Variants in CYBA observed in about 807,000 individuals in gnomAD.
CYBA encodes the protein cytochrome b-245 alpha chain.
CYBA carries 21 observed loss-of-function variants against 20.8 expected under a neutral mutation model. The observed-to-expected ratio is 1.01, with a 90% CI of 0.72 to 1.46. The LOEUF (loss-of-function observed/expected upper bound fraction) is 1.46. Among genes scored for constraint, CYBA ranks in the 40% most tolerant of loss-of-function variants. The probability of loss-of-function intolerance (pLI) is 0.00; values close to 1 mark genes in which losing one functional copy is unlikely to be tolerated. For missense variants in CYBA, 344 were observed against 287.0 expected, an observed-to-expected ratio of 1.20 and a Z score of -1.43; for synonymous variants, 164 against 127.5, an observed-to-expected ratio of 1.29 and a Z score of -1.93.
intron 1 of CYBA, chr16:88,650,111 C>T (rs563081561): frequency 1.8e-5 from 6 of 331,934 alleles, no homozygotes; most frequent in African/African-American, 1.1e-4. Flanking sequence ...CTCAGAGCCC[C>T]AGGGGAGTGG....
At chr16:88,644,448 A>G (rs1907203212) in intron 5 of CYBA, among the ~76,000 whole-genome samples, 2 of 152,250 alleles carry the variant, frequency 1.3e-5, no homozygotes, top group African/African-American at 4.8e-5. Flanking sequence ...GACCCTCACC[A>G]GAAAGCATGA....
intron 1 of CYBA, among the ~76,000 whole-genome samples, chr16:88,648,396 C>T (rs189240658): frequency 6.6e-6 from 1 of 151,046 alleles, no homozygotes; most frequent in Non-Finnish European, 1.5e-5. Flanking sequence ...CCAGTGGGCT[C>T]TGGGACCCCC....
At chr16:88,644,824 C>CAAA in intron 5 of CYBA, 1 of 274,676 alleles carries the variant, frequency 3.6e-6, no homozygotes, top group South Asian at 4.1e-5. Flanking sequence ...GACTCCATCT[C>CAAA]AAAAAAAAAA....
chr16:88,645,166 C>G (rs774470999), intron 5 of CYBA: 5 of 701,998 alleles, frequency 7.1e-6, no homozygotes, highest in South Asian at 5.9e-5. Context: ...CCAGGAGCCA[C>G]TAGCTGTGCG....
chr16:88,649,185 C>T (rs1442287346), intron 1 of CYBA, among the ~76,000 whole-genome samples: 1 of 152,218 alleles, frequency 6.6e-6, no homozygotes, highest in Non-Finnish European at 1.5e-5. Context: ...GATCCGCCCG[C>T]CTTGGCCTCC....
At chr16:88,647,954 G>A (rs1209893551) in intron 2 of CYBA, 91 bp downstream of exon 2, 30 of 1,259,354 alleles carry the variant, frequency 2.4e-5, no homozygotes, top group Non-Finnish European at 3.4e-5. Context: ...CTGCGGTGGT[G>A]GGGAGCGGAG....
intron 5 of CYBA, chr16:88,645,334 G>A (rs1214991080): frequency 1.6e-5 from 11 of 702,332 alleles, no homozygotes; most frequent in African/African-American, 5.2e-5. Context: ...CGCGGAAGGC[G>A]TACACAGAAA....
chr16:88,644,101 G>T (rs994524410), intron 5 of CYBA, among the ~76,000 whole-genome samples: 1 of 152,222 alleles, frequency 6.6e-6, no homozygotes, highest in Non-Finnish European at 1.5e-5. Context: ...AGACTCCTGG[G>T]CCCATGCCCG....
chr16:88,647,910 A>T, intron 2 of CYBA, 135 bp downstream of exon 2: 1 of 866,716 alleles, frequency 1.2e-6, no homozygotes, highest in Non-Finnish European at 1.9e-6. Context: ...GGGCTGCCCA[A>T]CCCGTGCACA....
chr16:88,643,574 G>A lies in CYBA; in HGVS notation c.370-3C>T, dbSNP rs1031784335. ...CACTGCTCGCCACGCACAGCCGCCTGCGGGGCACTGAAGGGTTGAGCCGCG... is the reference window on the plus strand; with the variant it reads ...CACTGCTCGCCACGCACAGCCGCCTACGGGGCACTGAAGGGTTGAGCCGCG... On this transcript the variant is annotated splice_region_variant and splice_polypyrimidine_tract_variant and intron_variant, in intron 5 of 5. Coordinates refer to ENST00000261623, the MANE Select transcript of CYBA (RefSeq NM_000101.4). The surrounding 1 kb of genome is among the most constrained non-coding windows in gnomAD (Gnocchi z 4.3). 5.9e-6 allele frequency: 9 copies of A among 1,532,352 alleles called. No individual in the cohort carries two copies. The highest frequency in any genetic ancestry group is 5.5e-5 in the African/African-American group (4 of 72,878). 94.9% of individuals were successfully genotyped at this position (1,532,352 alleles called of 1,614,324 possible). A position where few individuals can be genotyped will look rare whatever the true frequency, so the allele number is the denominator to read the frequency against.
rs577670556 is a variant in CYBA, at chr16:88,650,688, A to G, written c.58+268T>C. ...TGCGCTGCAACTTCCTCCTTCGCGG[A>G]GTCGGGGGACCGAGAGAAGGGAATG... is the stretch of plus-strand genomic sequence containing the variant. On this transcript the variant is annotated intron_variant, in intron 1 of 5. Coordinates refer to ENST00000261623, the MANE Select transcript of CYBA (RefSeq NM_000101.4). 245 of 612,030 alleles carry G rather than the reference A, an allele frequency of 4.0e-4. 3 individuals are homozygous for G. In the South Asian group the frequency reaches 4.1e-3, roughly 10 times the overall value. 37.9% of individuals were successfully genotyped at this position (612,030 alleles called of 1,614,324 possible). A position where few individuals can be genotyped will look rare whatever the true frequency, so the allele number is the denominator to read the frequency against.
At chr16:88,648,165 G>A (rs759109333) in intron 1 of CYBA, 51 bp from the exon 2 acceptor site, 3 of 1,546,238 alleles carry the variant, frequency 1.9e-6, no homozygotes, top group African/African-American at 2.7e-5. Flanking sequence ...CCGGGGGCCT[G>A]GGCCACCCCC....
chr16:88,648,168 C>T (rs2142877552), intron 1 of CYBA, 54 bp from the exon 2 acceptor site: 3 of 1,538,186 alleles, frequency 2.0e-6, no homozygotes, highest in East Asian at 4.7e-5. Context: ...GGGGCCTGGG[C>T]CACCCCCCTT....
chr16:88,647,557 C>T, intron 2 of CYBA: 1 of 368,158 alleles, frequency 2.7e-6, no homozygotes. Flanking sequence ...GGGGCAGCCA[C>T]TGCCTGAGGT....
At chr16:88,649,424 G>A (rs982305252) in intron 1 of CYBA, among the ~76,000 whole-genome samples, 94 of 152,288 alleles carry the variant, frequency 6.2e-4, no homozygotes, top group African/African-American at 2.3e-3. Flanking sequence ...CCTGCCATCC[G>A]AAAGAGGGTG....
Position 88,648,133 on chromosome 16 carries a change from C to CA in CYBA, c.59-20dup, listed in dbSNP as rs1247289423. On this transcript the variant is annotated intron_variant, in intron 1 of 5. Coordinates refer to ENST00000261623, the MANE Select transcript of CYBA (RefSeq NM_000101.4). ...ATGAGGACTGCGGGGAGAAGTGGGT[C>CA]AGGCACTGTGGGGCTCCCGTCCCGG... The CA allele has an allele frequency of 6.2e-7, 1 of 1,606,442 alleles. No homozygotes were observed. Among genetic ancestry groups the CA allele is most frequent in the African/African-American group, 1.3e-5 (1 of 74,864 alleles).
Position 88,643,616 on chromosome 16 carries a change from C to T in CYBA, c.370-45G>A, listed in dbSNP as rs113888546. The T allele has an allele frequency of 2.7e-6, 4 of 1,473,202 alleles. No homozygotes were observed. The highest frequency in any genetic ancestry group is 2.4e-5 in the South Asian group (2 of 82,022). The allele number at this position is 1,473,202 out of a possible 1,614,324, so 91.3% of individuals were successfully genotyped here. ...TGAGCCGCGCCCCAGCGCCCGCCCT[C>T]CCTCCCTCCCTCCCTCCCCGGAGGC... is the stretch of plus-strand genomic sequence containing the variant. On this transcript the variant is annotated intron_variant, in intron 5 of 5. Transcript: ENST00000261623. This position sits in a 1 kb window ranked among gnomAD's most constrained non-coding sequence, Gnocchi z 4.3.
intron 1 of CYBA, chr16:88,650,537 C>T (rs1283948141): frequency 2.1e-6 from 1 of 482,062 alleles, no homozygotes; most frequent in Non-Finnish European, 4.1e-6. Context: ...CCAGGGAGAG[C>T]GACCTCCAGG....
intron 2 of CYBA, among the ~76,000 whole-genome samples, 156 bp from the exon 3 acceptor site, chr16:88,647,331 C>T (rs1229585816): frequency 6.6e-5 from 10 of 152,284 alleles, no homozygotes; most frequent in African/African-American, 2.4e-4. Flanking sequence ...CACTGGAGCC[C>T]AGGAGTTTGA....
Sources: allele counts gnomAD v4.1 joint callset (sites outside exome capture counted in the v4.1 genomes callset), GRCh38; gene constraint gnomAD v4.1.1; non-coding constraint Gnocchi (gnomAD v3.1); transcripts MANE v1.5; gene names NCBI Gene and HGNC (gene_info 2026-07-23, HGNC 2026-07-21).